The following SULF2 variants were observed in gnomAD, a reference collection of about 807,000 sequenced individuals.
SULF2 encodes extracellular sulfatase Sulf-2.
SULF2 carries 52 observed loss-of-function variants against 107.7 expected under a neutral mutation model. The ratio of observed to expected loss-of-function variants is 0.48; its 90% confidence interval spans 0.39 to 0.61. The LOEUF is 0.61. Ranked by LOEUF, SULF2 falls within the 20% of genes least tolerant of loss-of-function variation. SULF2 has a pLI of 0.00. For missense variants in SULF2, 993 were observed against 1,177.3 expected, an observed-to-expected ratio of 0.84 and a Z score of 2.29; for synonymous variants, 460 against 464.3, an observed-to-expected ratio of 0.99 and a Z score of 0.12.
intron 8 of SULF2, 147 bp from the exon 9 acceptor site, chr20:47,677,281 A>G (rs2087675369): frequency 2.5e-6 from 2 of 806,732 alleles, no homozygotes; most frequent in Non-Finnish European, 4.0e-6. Context: ...CCAGCTGGGC[A>G]CTAGAGCATT....
intron 3 of SULF2, among the ~76,000 whole-genome samples, chr20:47,724,520 G>A (rs541945178): frequency 5.9e-5 from 9 of 152,182 alleles, no homozygotes; most frequent in Middle Eastern, 3.2e-3. Flanking sequence ...CCAGCCATCC[G>A]CTCCCTAGAA....
chr20:47,769,600 C>A (rs932792338), intron 1 of SULF2, among the ~76,000 whole-genome samples: 20 of 152,110 alleles, frequency 1.3e-4, no homozygotes, highest in Non-Finnish European at 2.4e-4. Context: ...CTGGCAGAGC[C>A]GAGGTGCTAA....
chr20:47,759,931 A>G (rs1790270718), intron 1 of SULF2, among the ~76,000 whole-genome samples: 1 of 152,270 alleles, frequency 6.6e-6, no homozygotes, highest in South Asian at 2.1e-4. Flanking sequence ...CCCTGAGGAC[A>G]GAGACAGGCT....
At chr20:47,714,114 T>A (rs1344455799) in intron 3 of SULF2, among the ~76,000 whole-genome samples, 1 of 152,166 alleles carries the variant, frequency 6.6e-6, no homozygotes, top group Admixed American at 6.5e-5. Flanking sequence ...GGAAAGTCCG[T>A]CCTTCCCAAA....
At position 47,678,867 on chromosome 20, in the gene SULF2, G is replaced by C. The variant is rs541234193; in HGVS notation, c.1065-63C>G. ...GTGGTGGTGCCTCAGCCTCGCGTGG[G>C]GGGTGGGGAGCGGTAGGTGGGCAGC... On this transcript the variant is annotated intron_variant, in intron 7 of 20. Transcript: ENST00000688720. This position sits in a 1 kb window ranked among gnomAD's most constrained non-coding sequence, Gnocchi z 4.5. 19 of 1,480,434 alleles carry C rather than the reference G, an allele frequency of 1.3e-5. No individual in the cohort carries two copies. In the South Asian group the frequency reaches 1.7e-4, roughly 13 times the overall value. The allele number at this position is 1,480,434 out of a possible 1,614,324, so 91.7% of individuals were successfully genotyped here.
chr20:47,728,189 G>A (rs2089497014), intron 3 of SULF2, among the ~76,000 whole-genome samples: 1 of 152,178 alleles, frequency 6.6e-6, no homozygotes, highest in Non-Finnish European at 1.5e-5. Context: ...AGAGGCAGCT[G>A]GACCGAGGGA....
Position 47,672,194 on chromosome 20 carries a change from T to A in SULF2, c.1576+4A>T. Reference sequence around the variant, plus strand: ...GTCCCACTCAGCCAGGTTGTGACACTTACTCTTCTTGAAGAGTTTTTTCCG... The same window carrying A: ...GTCCCACTCAGCCAGGTTGTGACACATACTCTTCTTGAAGAGTTTTTTCCG... On this transcript the variant is annotated splice_donor_region_variant and intron_variant, in intron 11 of 20. Coordinates refer to ENST00000688720, the MANE Select transcript of SULF2 (RefSeq NM_001387048.1). 6.2e-7 allele frequency: 1 copy of A among 1,603,012 alleles called. No homozygotes were observed. Among genetic ancestry groups the A allele is most frequent in the South Asian group, 1.1e-5 (1 of 90,446 alleles).
Position 47,676,614 on chromosome 20 carries a change from T to C in SULF2, c.1260A>G (p.Leu420=). Reference sequence around the variant, plus strand: ...CCACCTTGTCATTGTCTCTCTTGTGTAGCAGCTTGCTATGGGGCAGAGAGC... The same window carrying C: ...CCACCTTGTCATTGTCTCTCTTGTGCAGCAGCTTGCTATGGGGCAGAGAGC... ...DSFLVERGKL[L]HKRDNDKVDA... Residue 420 remains leucine (L), a synonymous_variant, in exon 10 of 21, where the codon CTA becomes CTG. Coordinates refer to ENST00000688720, the MANE Select transcript of SULF2 (RefSeq NM_001387048.1). 2 of 1,552,580 alleles carry C rather than the reference T, an allele frequency of 1.3e-6. No individual in the cohort carries two copies. The highest frequency in any genetic ancestry group is 1.7e-6 in the Non-Finnish European group (2 of 1,148,362).
intron 17 of SULF2, among the ~76,000 whole-genome samples, chr20:47,662,722 A>G (rs183835481): frequency 1.5e-4 from 23 of 152,346 alleles, no homozygotes; most frequent in Admixed American, 5.2e-4. Context: ...CGGTCCGTGT[A>G]GGCCCTGCAG....
intron 2 of SULF2, among the ~76,000 whole-genome samples, chr20:47,748,820 C>T (rs916039150): frequency 1.3e-5 from 2 of 152,166 alleles, no homozygotes; most frequent in East Asian, 3.8e-4. Context: ...AACCTCTTGT[C>T]CCACTGTTGC....
chr20:47,709,038 C>A (rs746441653), intron 3 of SULF2, among the ~76,000 whole-genome samples: 1 of 152,200 alleles, frequency 6.6e-6, no homozygotes, highest in African/African-American at 2.4e-5. Flanking sequence ...TATATTTCCC[C>A]AAGGCACTTT....
chr20:47,768,216 C>G (rs554661290), intron 1 of SULF2, among the ~76,000 whole-genome samples: 3 of 151,658 alleles, frequency 2.0e-5, no homozygotes, highest in Non-Finnish European at 4.4e-5. Context: ...GCCAACACAC[C>G]GAACACAGCA....
At chr20:47,693,506 A>G (rs775245414) in intron 4 of SULF2, among the ~76,000 whole-genome samples, 5 of 152,254 alleles carry the variant, frequency 3.3e-5, no homozygotes, top group African/African-American at 4.8e-5. Flanking sequence ...GAGAAGATAT[A>G]CAATGGGATT....
chr20:47,751,510 G>A (rs2090157369), intron 2 of SULF2, among the ~76,000 whole-genome samples: 1 of 152,186 alleles, frequency 6.6e-6, no homozygotes, highest in South Asian at 2.1e-4. Context: ...CCACAGGGAT[G>A]GCTTGCACCT....
rs2090908711 is a variant in SULF2, at chr20:47,785,395, C to T, written c.-153G>A. 6.8e-6 allele frequency: 1 copy of T among 146,260 alleles called. No homozygotes were observed. The highest frequency in any genetic ancestry group is 1.8e-4 in the South Asian group (1 of 5,608). The allele number at this position is 146,260 out of a possible 1,614,324, so 9.1% of individuals were successfully genotyped here. A position where few individuals can be genotyped will look rare whatever the true frequency, so the allele number is the denominator to read the frequency against. ...CCGGAGCGGGGCGCCGCCGCCGCCT[C>T]TGCCGCAGCCCGGCCGGGCCGCTGG... On this transcript the variant is annotated 5_prime_UTR_variant, in exon 1 of 21. Transcript: ENST00000688720.
intron 1 of SULF2, among the ~76,000 whole-genome samples, chr20:47,779,906 C>G (rs6090735): frequency 6.6e-6 from 1 of 152,082 alleles, no homozygotes; most frequent in Non-Finnish European, 1.5e-5. Flanking sequence ...CGCGTCCAGA[C>G]AGTTATCCAT....
chr20:47,777,263 G>C (rs1176642905), intron 1 of SULF2, among the ~76,000 whole-genome samples: 1 of 152,220 alleles, frequency 6.6e-6, no homozygotes, highest in Non-Finnish European at 1.5e-5. Flanking sequence ...ATTTAGAGGT[G>C]AGTGCAAAAC....
chr20:47,663,228 G>C lies in SULF2; in HGVS notation c.2228-16C>G, dbSNP rs755056695. The C allele has an allele frequency of 5.6e-6, 9 of 1,613,788 alleles. No individual in the cohort carries two copies. The highest frequency in any genetic ancestry group is 2.2e-5 in the East Asian group (1 of 44,882). On this transcript the variant is annotated splice_polypyrimidine_tract_variant and intron_variant, in intron 16 of 20. Transcript: ENST00000688720. ...AAAGGCCCCACTGCCAAGGAAGAGA[G>C]AGCATGTCCTGAGTGCCTGCGGGAG...
chr20:47,718,200 A>G (rs2089182826), intron 3 of SULF2, among the ~76,000 whole-genome samples: 2 of 152,152 alleles, frequency 1.3e-5, no homozygotes, highest in Admixed American at 1.3e-4. Flanking sequence ...ATTTAAGTTC[A>G]GCTACCTCTG....
Sources: allele counts gnomAD v4.1 joint callset (sites outside exome capture counted in the v4.1 genomes callset), GRCh38; gene constraint gnomAD v4.1.1; non-coding constraint Gnocchi (gnomAD v3.1); transcripts MANE v1.5; gene names NCBI Gene and HGNC (gene_info 2026-07-23, HGNC 2026-07-21).